Variants in USP49 observed in about 807,000 individuals in gnomAD.
USP49 encodes the protein ubiquitin carboxyl-terminal hydrolase 49.
In USP49, 24 loss-of-function variants were observed where a neutral mutation model predicts 58.6. The observed-to-expected ratio is 0.41, with a 90% CI of 0.30 to 0.58. The LOEUF is 0.58. Among genes scored for constraint, USP49 ranks in the 20% least tolerant of loss-of-function variants. The pLI is 0.30. For synonymous variants in USP49, 408 were observed against 365.1 expected (o/e 1.12, Z -1.34); for missense variants, 703 against 866.1 (o/e 0.81, Z 2.36).
intron 1 of USP49, among the ~76,000 whole-genome samples, chr6:41,892,538 A>G (rs576197362): frequency 1.3e-5 from 2 of 152,258 alleles, no homozygotes; most frequent in African/African-American, 2.4e-5. Context: ...ACACTTGCTT[A>G]ATACAATCCA....
At chr6:41,861,347 G>A (rs1003845523) in intron 3 of USP49, among the ~76,000 whole-genome samples, 2 of 151,968 alleles carry the variant, frequency 1.3e-5, no homozygotes, top group Admixed American at 1.3e-4. Context: ...GGAGGCTGAG[G>A]CAGGAAAATC....
Position 41,800,505 on chromosome 6 carries a change from G to A in USP49, c.1562-567C>T, listed in dbSNP as rs193045020. On this transcript the variant is annotated intron_variant, in intron 5 of 7. Transcript: ENST00000682992. Reference sequence around the variant, plus strand: ...CGTATAATGGAATATAATGGAACGTGCAGCAGCAAGCACATAGAGTAGAAG... The same window carrying A: ...CGTATAATGGAATATAATGGAACGTACAGCAGCAAGCACATAGAGTAGAAG... 2.5e-3 allele frequency among the ~76,000 whole-genome samples: 378 copies of A among 152,330 alleles called. 3 individuals are homozygous for A. Among genetic ancestry groups the A allele is most frequent in the African/African-American group, 8.6e-3 (358 of 41,574 alleles).
rs1477022195 is a variant in USP49, at chr6:41,789,967, A to G, written c.*6566T>C. 2 of 152,234 alleles carry G rather than the reference A, an allele frequency of 1.3e-5. No homozygotes were observed. Among genetic ancestry groups the G allele is most frequent in the Non-Finnish European group, 2.9e-5 (2 of 68,050 alleles). 9.4% of individuals were successfully genotyped at this position (152,234 alleles called of 1,614,324 possible). On this transcript the variant is annotated 3_prime_UTR_variant, in exon 8 of 8. Coordinates refer to ENST00000682992, the MANE Select transcript of USP49 (RefSeq NM_001286554.2). ...TGTAAAAAGATTTACAAAAATCATA[A>G]AAACATGATTTATATTTCACACTTG... is the stretch of plus-strand genomic sequence containing the variant.
At chr6:41,797,498 T>C (rs1415840091) in intron 7 of USP49, 2 of 416,358 alleles carry the variant, frequency 4.8e-6, no homozygotes, top group African/African-American at 4.3e-5. Flanking sequence ...AGTGAACAGC[T>C]GAAAACACAT....
chr6:41,795,392 G>T lies in USP49; in HGVS notation c.*1141C>A, dbSNP rs1772868727. 6.6e-6 allele frequency: 1 copy of T among 152,234 alleles called. No homozygotes were observed. Among genetic ancestry groups the T allele is most frequent in the Non-Finnish European group, 1.5e-5 (1 of 68,060 alleles). The allele number at this position is 152,234 out of a possible 1,614,324, so 9.4% of individuals were successfully genotyped here. ...CTCTTGTTTTTTTCTCTGATGGACTGAGTATGGGGGGTAAAGCAACAGTAG... is the reference window on the plus strand; with the variant it reads ...CTCTTGTTTTTTTCTCTGATGGACTTAGTATGGGGGGTAAAGCAACAGTAG... On this transcript the variant is annotated 3_prime_UTR_variant, in exon 8 of 8. Transcript: ENST00000682992.
intron 3 of USP49, among the ~76,000 whole-genome samples, chr6:41,861,461 A>C (rs1461424284): frequency 1.3e-5 from 2 of 152,046 alleles, no homozygotes; most frequent in Admixed American, 1.3e-4. Context: ...TAAATAAATA[A>C]ATCCAATATA....
chr6:41,844,216 G>A (rs1773879776), intron 3 of USP49, among the ~76,000 whole-genome samples: 1 of 152,044 alleles, frequency 6.6e-6, no homozygotes, highest in African/African-American at 2.4e-5. Context: ...GCGAGACTCT[G>A]TCTCAAAATA....
At position 41,819,948 on chromosome 6, in the gene USP49, A is replaced by G. The variant is rs541269896; in HGVS notation, c.-28-12937T>C. 2.0e-5 allele frequency among the ~76,000 whole-genome samples: 3 copies of G among 152,332 alleles called. No individual in the cohort carries two copies. In the East Asian group the frequency reaches 5.8e-4, roughly 29 times the overall value. Reference sequence around the variant, plus strand: ...AAATCACCAAATCGAAATGTGGCAAATGCTACAGGATCAGTCAGTCATATG... The same window carrying G: ...AAATCACCAAATCGAAATGTGGCAAGTGCTACAGGATCAGTCAGTCATATG... On this transcript the variant is annotated intron_variant, in intron 3 of 7. Transcript: ENST00000682992.
At chr6:41,814,048 T>A (rs1773305711) in intron 3 of USP49, among the ~76,000 whole-genome samples, 1 of 152,210 alleles carries the variant, frequency 6.6e-6, no homozygotes, top group Non-Finnish European at 1.5e-5. Flanking sequence ...TTCTAACATT[T>A]CCACTTAAAA....
At chr6:41,844,322 T>C (rs1180265545) in intron 3 of USP49, among the ~76,000 whole-genome samples, 1 of 152,124 alleles carries the variant, frequency 6.6e-6, no homozygotes, top group Non-Finnish European at 1.5e-5. Context: ...TCTTTCTTTT[T>C]TTTTTTCTTT....
In USP49 at chr6:41,806,336, G is replaced by A. The variant is rs760134531; in HGVS notation, c.648C>T (p.Pro216=). The A allele has an allele frequency of 3.9e-6, 6 of 1,530,698 alleles. No individual in the cohort carries two copies. Among genetic ancestry groups the A allele is most frequent in the Non-Finnish European group, 1.7e-6 (2 of 1,149,926 alleles). The allele number at this position is 1,530,698 out of a possible 1,614,324, so 94.8% of individuals were successfully genotyped here. The change falls in exon 4 of 8, where the codon CCC becomes CCT. Residue 216 remains proline, a synonymous_variant. Transcript: ENST00000682992. This position sits in a 1 kb window ranked among gnomAD's most constrained non-coding sequence, Gnocchi z 5.9. ...GCGAGGCAGCCGGGCCCGCGTCGCGGGGCGTGTGCAGGAGCAGCCGTGCAC... is the reference window on the plus strand; with the variant it reads ...GCGAGGCAGCCGGGCCCGCGTCGCGAGGCGTGTGCAGGAGCAGCCGTGCAC... ...RKSARLLLHT[P]RDAGPAASRP...
chr6:41,865,624 A>T (rs574048683), intron 3 of USP49, among the ~76,000 whole-genome samples: 1 of 149,954 alleles, frequency 6.7e-6, no homozygotes, highest in South Asian at 2.1e-4. Flanking sequence ...TATAGGCATG[A>T]GCCACCATGC....
chr6:41,866,195 A>T (rs554105702), intron 3 of USP49, among the ~76,000 whole-genome samples: 1 of 151,874 alleles, frequency 6.6e-6, no homozygotes, highest in African/African-American at 2.4e-5. Flanking sequence ...GCTGGTATAC[A>T]GGCGTTAGCC....
chr6:41,843,516 C>T (rs1323318901), intron 3 of USP49, among the ~76,000 whole-genome samples: 3 of 152,110 alleles, frequency 2.0e-5, no homozygotes, highest in Admixed American at 1.3e-4. Flanking sequence ...TGCAATGTCA[C>T]GTGCCTGTAG....
chr6:41,841,306 TA>T (rs900797011), intron 3 of USP49, among the ~76,000 whole-genome samples: 1 of 151,020 alleles, frequency 6.6e-6, no homozygotes, highest in South Asian at 2.1e-4. Context: ...ATATTATAGT[TA>T]AAAAAAAAGA....
chr6:41,801,711 C>T (rs1773000346), intron 5 of USP49, among the ~76,000 whole-genome samples: 1 of 152,178 alleles, frequency 6.6e-6, no homozygotes. Context: ...ACTGATTCAA[C>T]TGAGATTGAT....
intron 4 of USP49, among the ~76,000 whole-genome samples, chr6:41,804,283 C>T (rs550030563): frequency 6.6e-6 from 1 of 152,280 alleles, no homozygotes; most frequent in Admixed American, 6.5e-5. Flanking sequence ...TATGCTCTAC[C>T]ATTCAATAGT....
chr6:41,872,220 C>T (rs1774422516), intron 2 of USP49, among the ~76,000 whole-genome samples: 2 of 152,214 alleles, frequency 1.3e-5, no homozygotes, highest in Admixed American at 1.3e-4. Context: ...GTTTCTGACA[C>T]ATTATCAGGA....
In USP49 at chr6:41,852,711, T is replaced by C. The variant is rs192443366; in HGVS notation, c.-29+18853A>G. Among the ~76,000 whole-genome samples, 236 of 152,262 alleles carry C rather than the reference T, an allele frequency of 1.5e-3. 6 individuals carry two copies. Among genetic ancestry groups the C allele is most frequent in the Admixed American group, 0.012 (187 of 15,286 alleles). ...AAATCCCAGCAGCAATTTTCTGAAA[T>C]ACAAAAATTAATTCTAAAACTCATA... On this transcript the variant is annotated intron_variant, in intron 3 of 7. Transcript: ENST00000682992.
Sources: gnomAD v4.1 joint callset for allele counts (sites outside exome capture counted in the v4.1 genomes callset) on GRCh38, gnomAD v4.1.1 for gene constraint, Gnocchi (gnomAD v3.1) non-coding constraint, MANE v1.5 for transcripts, NCBI Gene and HGNC (gene_info 2026-07-23, HGNC 2026-07-21) for gene names.